Variants in FAM240C observed in about 807,000 individuals in gnomAD.
FAM240C encodes family with sequence similarity 240 member C, also known as protein FAM240C.
Under a neutral mutation model 10.0 loss-of-function variants are expected in FAM240C, and 14 were observed. That is an observed-to-expected ratio of 1.40 (90% confidence interval 0.92 to 2.19). FAM240C has a LOEUF of 2.19. Among genes scored for constraint, FAM240C ranks in the 30% most tolerant of loss-of-function variants. FAM240C has a pLI of 0.00. For missense variants in FAM240C, 154 were observed against 122.3 expected, an observed-to-expected ratio of 1.26 and a Z score of -1.22; for synonymous variants, 49 against 44.3, an observed-to-expected ratio of 1.11 and a Z score of -0.42.
At chr2:241,901,968 C>T (rs555579220), upstream of FAM240C, among the ~76,000 whole-genome samples, 5 of 152,274 alleles carry the variant, frequency 3.3e-5, no homozygotes, top group African/African-American at 1.2e-4. The surrounding 1 kb of genome is among the most constrained non-coding windows in gnomAD (Gnocchi z 4.9). Flanking sequence ...TGCGGAGGGA[C>T]GGCAGGGCGC....
At chr2:241,894,581 G>C (rs1481175501) in intron 2 of FAM240C, among the ~76,000 whole-genome samples, 13 of 146,566 alleles carry the variant, frequency 8.9e-5, no homozygotes, top group South Asian at 6.7e-4. Context: ...GGTGGGGGGG[G>C]GGGGGGGCGT....
intron 1 of FAM240C, among the ~76,000 whole-genome samples, chr2:241,899,684 AC>A (rs1356812421): frequency 6.6e-5 from 10 of 152,338 alleles, no homozygotes; most frequent in Admixed American, 4.6e-4. Context: ...CTCTTAGGAC[AC>A]TTAGCCCCCA....
chr2:241,897,697 C>T (rs542470535), intron 1 of FAM240C, among the ~76,000 whole-genome samples: 3 of 152,204 alleles, frequency 2.0e-5, no homozygotes, highest in South Asian at 2.1e-4. Flanking sequence ...GCGAGGTGAG[C>T]GTTTCTTGGA....
chr2:241,894,935 T>C (rs1701757235), intron 2 of FAM240C, among the ~76,000 whole-genome samples: 1 of 152,224 alleles, frequency 6.6e-6, no homozygotes, highest in Non-Finnish European at 1.5e-5. Flanking sequence ...GCGGCAGGAA[T>C]GGCCTGGTCA....
At chr2:241,901,621 A>G (rs28390289), upstream of FAM240C, among the ~76,000 whole-genome samples, 17,614 of 152,206 alleles carry the variant, frequency 0.12, 1,385 homozygotes, top group African/African-American at 0.22. This position sits in a 1 kb window ranked among gnomAD's most constrained non-coding sequence, Gnocchi z 4.9. Context: ...GCGCCGGGAC[A>G]TGCCGCAGCG....
At chr2:241,896,546 GGGGTGTGTGTGTT>G (rs1701813751) in intron 2 of FAM240C, among the ~76,000 whole-genome samples, 6 of 120,144 alleles carry the variant, frequency 5.0e-5, no homozygotes, top group East Asian at 2.2e-4. Context: ...TGTGGGTGTT[GGGGTGTGTGTGTT>G]GGGGTGTGGG....
intron 2 of FAM240C, among the ~76,000 whole-genome samples, 163 bp from the exon 3 acceptor site, chr2:241,894,502 A>T (rs1701739659): frequency 7.4e-6 from 1 of 134,682 alleles, no homozygotes; most frequent in Non-Finnish European, 1.5e-5. Context: ...AGCAGCTGTG[A>T]CCTTGCTGGG....
At chr2:241,897,577 G>A (rs1206798558) in intron 1 of FAM240C, among the ~76,000 whole-genome samples, 1 of 152,224 alleles carries the variant, frequency 6.6e-6, no homozygotes, top group African/African-American at 2.4e-5. Context: ...GTTGGCAGAA[G>A]TAGAAATGGA....
At position 241,894,106 on chromosome 2, in the gene FAM240C, A is replaced by G; in HGVS notation, c.*107T>C. 7.6e-7 allele frequency: 1 copy of G among 1,317,336 alleles called. No homozygotes were observed. Among genetic ancestry groups the G allele is most frequent in the Non-Finnish European group, 1.0e-6 (1 of 975,158 alleles). 81.6% of individuals were successfully genotyped at this position (1,317,336 alleles called of 1,614,324 possible). On this transcript the variant is annotated 3_prime_UTR_variant, in exon 3 of 3. Coordinates refer to ENST00000404031, the MANE Select transcript of FAM240C (RefSeq NM_001382368.1). ...GGTCAGCGAGGTGCGGGCCATTTCC[A>G]TGATGAAGATCCTGTGAACTCTGGC...
chr2:241,895,738 AC>A (rs1701779282), intron 2 of FAM240C, among the ~76,000 whole-genome samples: 1 of 152,136 alleles, frequency 6.6e-6, no homozygotes, highest in Non-Finnish European at 1.5e-5. Flanking sequence ...TGCCTTGGAC[AC>A]CAACCTCCAC....
upstream of FAM240C, among the ~76,000 whole-genome samples, chr2:241,901,816 G>C (rs946117908): frequency 3.3e-5 from 5 of 152,224 alleles, no homozygotes; most frequent in African/African-American, 1.2e-4. The surrounding 1 kb of genome is among the most constrained non-coding windows in gnomAD (Gnocchi z 4.9). Context: ...TAAAGCCCGT[G>C]GTGGTCTCCC....
chr2:241,901,460 T>C (rs1342247154), upstream of FAM240C, among the ~76,000 whole-genome samples: 1 of 152,094 alleles, frequency 6.6e-6, no homozygotes, highest in Non-Finnish European at 1.5e-5. The surrounding 1 kb of genome is among the most constrained non-coding windows in gnomAD (Gnocchi z 4.9). Flanking sequence ...ACTTATTTTT[T>C]ATATTATCCT....
In FAM240C at chr2:241,894,273, G is replaced by A. The variant is rs1465959936; in HGVS notation, c.228C>T (p.Cys76=). 1 of 1,549,774 alleles carries A rather than the reference G, an allele frequency of 6.5e-7. No homozygotes were observed. The highest frequency in any genetic ancestry group is 8.7e-7 in the Non-Finnish European group (1 of 1,146,800). ...CAGTGGCCTCCGGGACCCTGTCTGG[G>A]CATCTCCCTGGGCCCTGCAGCATCT... ...RNKMLQGPGR[C]PDRVPEATES... The change falls in exon 3 of 3, where the codon TGC becomes TGT. Residue 76 remains cysteine, a synonymous_variant. Coordinates refer to ENST00000404031, the MANE Select transcript of FAM240C (RefSeq NM_001382368.1).
At chr2:241,899,360 A>G in intron 1 of FAM240C, 4 of 984,364 alleles carry the variant, frequency 4.1e-6, no homozygotes, top group Middle Eastern at 5.2e-4. Context: ...CCAGAAACTT[A>G]GACATGCAAA....
upstream of FAM240C, chr2:241,900,518 G>A (rs780160293): frequency 9.4e-6 from 6 of 637,834 alleles, no homozygotes; most frequent in South Asian, 1.8e-5. The surrounding 1 kb of genome is among the most constrained non-coding windows in gnomAD (Gnocchi z 4.5). Flanking sequence ...AGAAAGACGC[G>A]CTGCCCTCTG....
rs1701929696 is a variant in FAM240C at position 241,899,340 on chromosome 2, G to A, written c.12+1018C>T. On this transcript the variant is annotated intron_variant, in intron 1 of 2. Coordinates refer to ENST00000404031, the MANE Select transcript of FAM240C (RefSeq NM_001382368.1). The stretch of plus-strand genomic sequence containing the variant: ...CACAGAAATCGCCCATCGATGCCAC[G>A]CCCTTTGTTCCAGAAACTTAGACAT... 5.1e-6 allele frequency: 5 copies of A among 985,260 alleles called. No individual in the cohort carries two copies. The South Asian group carries it at 1.9e-4, about 37-fold the overall frequency. 61.0% of individuals were successfully genotyped at this position (985,260 alleles called of 1,614,324 possible).
intron 2 of FAM240C, among the ~76,000 whole-genome samples, chr2:241,895,904 C>T (rs1188967083): frequency 6.6e-6 from 1 of 151,778 alleles, no homozygotes; most frequent in Non-Finnish European, 1.5e-5. Flanking sequence ...CACACAGGCA[C>T]ACGTCCAGGA....
chr2:241,895,124 G>C (rs370909343), intron 2 of FAM240C, among the ~76,000 whole-genome samples: 1 of 152,380 alleles, frequency 6.6e-6, no homozygotes, highest in Admixed American at 6.5e-5. Flanking sequence ...CCCAGATGAC[G>C]ATGGTGCTGC....
rs763023118 is a variant in FAM240C, at chr2:241,897,197, G to A, written c.150C>T (p.Ser50=). ...LQNEDIRVRR[S]ALNKLRVGWA... The stretch of plus-strand genomic sequence containing the variant: ...ACACCCCGACTCACTTGTTCAGAGC[G>A]CTTCTGCGAACCCTGATGTCCTCGT... The change falls in exon 2 of 3, where the codon AGC becomes AGT. Residue 50 remains serine (S), a synonymous_variant. Coordinates refer to ENST00000404031, the MANE Select transcript of FAM240C (RefSeq NM_001382368.1). The A allele has an allele frequency of 8.4e-6, 13 of 1,549,624 alleles. No homozygotes were observed. The highest frequency in any genetic ancestry group is 1.7e-4 in the Middle Eastern group (1 of 6,006).
Sources: gnomAD v4.1 joint callset for allele counts (sites outside exome capture counted in the v4.1 genomes callset) on GRCh38, gnomAD v4.1.1 for gene constraint, Gnocchi (gnomAD v3.1) non-coding constraint, MANE v1.5 for transcripts, NCBI Gene and HGNC (gene_info 2026-07-23, HGNC 2026-07-21) for gene names.